The following SLC25A21 variants were observed in gnomAD, a reference collection of about 807,000 sequenced individuals.
SLC25A21 encodes the protein mitochondrial 2-oxodicarboxylate carrier.
A neutral mutation model predicts 43.8 loss-of-function variants in SLC25A21; 47 were observed. The ratio of observed to expected loss-of-function variants is 1.07; its 90% CI spans 0.85 to 1.37. The LOEUF (loss-of-function observed/expected upper bound fraction) is 1.37, where lower values mean the gene tolerates loss of function less well. Among genes scored for constraint, SLC25A21 ranks in the 40% most tolerant of loss-of-function variants. The pLI, the probability that SLC25A21 is intolerant of heterozygous loss-of-function variation, is 0.00. For missense variants in SLC25A21, 352 were observed against 350.2 expected (o/e 1.00, Z -0.04); for synonymous variants, 131 against 121.3 (o/e 1.08, Z -0.52).
chr14:36,952,007 G>A (rs1892823377), intron 1 of SLC25A21, among the ~76,000 whole-genome samples: 1 of 151,936 alleles, frequency 6.6e-6, no homozygotes, highest in African/African-American at 2.4e-5. Context: ...GGCCAAGGAG[G>A]GCAGATCACT....
chr14:37,136,380 T>C (rs1194261967), intron 1 of SLC25A21, among the ~76,000 whole-genome samples: 3 of 152,192 alleles, frequency 2.0e-5, no homozygotes, highest in Admixed American at 1.3e-4. Flanking sequence ...AGAAAATAAA[T>C]ATTTACTTAT....
chr14:36,700,282 A>G (rs1883223014), intron 7 of SLC25A21, among the ~76,000 whole-genome samples: 1 of 152,130 alleles, frequency 6.6e-6, no homozygotes, highest in Non-Finnish European at 1.5e-5. Context: ...CTATTTGTGC[A>G]CAGTCTTTGG....
In SLC25A21 at chr14:36,679,600, G is replaced by GTA. The variant is rs1268102447; in HGVS notation, c.*1056_*1057dup. The GTA allele has an allele frequency of 6.1e-6, 6 of 985,260 alleles. No individual in the cohort carries two copies. The highest frequency in any genetic ancestry group is 6.0e-6 in the Non-Finnish European group (5 of 829,892). The allele number at this position is 985,260 out of a possible 1,614,324, so 61.0% of individuals were successfully genotyped here. A position where few individuals can be genotyped will look rare whatever the true frequency, so the allele number is the denominator to read the frequency against. ...ATAGTAATCCTTAGAAATGCTAAGT[G>GTA]TATTTCTTTTTCAGAACATTTCCCC... On this transcript the variant is annotated 3_prime_UTR_variant, in exon 10 of 10. Transcript: ENST00000331299.
intron 3 of SLC25A21, among the ~76,000 whole-genome samples, chr14:36,744,522 T>C (rs967563702): frequency 2.0e-5 from 3 of 152,120 alleles, no homozygotes; most frequent in Non-Finnish European, 4.4e-5. Context: ...TCTCTCACCA[T>C]ATACAAAAAT....
intron 1 of SLC25A21, among the ~76,000 whole-genome samples, chr14:37,089,641 G>A (rs1487455759): frequency 6.6e-6 from 1 of 152,192 alleles, no homozygotes; most frequent in African/African-American, 2.4e-5. Context: ...CTTTCTTAGA[G>A]AGTAAGGCCA....
chr14:37,001,557 A>C (rs1960490248), intron 1 of SLC25A21, among the ~76,000 whole-genome samples: 1 of 152,024 alleles, frequency 6.6e-6, no homozygotes, highest in Non-Finnish European at 1.5e-5. Context: ...AATTCCCAGA[A>C]ATGTATTTTC....
chr14:36,699,927 C>T (rs1184771010), intron 7 of SLC25A21, among the ~76,000 whole-genome samples: 1 of 152,198 alleles, frequency 6.6e-6, no homozygotes, highest in Non-Finnish European at 1.5e-5. Context: ...CCCTGTCCTG[C>T]TTCAGTTCAC....
At chr14:36,847,436 G>T (rs1260620647) in intron 2 of SLC25A21, among the ~76,000 whole-genome samples, 1 of 152,198 alleles carries the variant, frequency 6.6e-6, no homozygotes, top group African/African-American at 2.4e-5. Context: ...AGGCTAAAAT[G>T]AATATGTCAT....
At chr14:36,688,430 A>G (rs1255733922) in intron 7 of SLC25A21, among the ~76,000 whole-genome samples, 1 of 152,210 alleles carries the variant, frequency 6.6e-6, no homozygotes, top group Non-Finnish European at 1.5e-5. Context: ...TGCAGAGTAC[A>G]CTGTAGGTGC....
At chr14:37,121,762 C>A (rs1216945850) in intron 1 of SLC25A21, among the ~76,000 whole-genome samples, 1 of 151,434 alleles carries the variant, frequency 6.6e-6, no homozygotes, top group African/African-American at 2.4e-5. Flanking sequence ...GCACTCCAGC[C>A]TGAGCGACGG....
At chr14:37,110,240 G>C (rs980175084) in intron 1 of SLC25A21, among the ~76,000 whole-genome samples, 1 of 152,146 alleles carries the variant, frequency 6.6e-6, no homozygotes, top group African/African-American at 2.4e-5. Flanking sequence ...AGGTTGCATT[G>C]GTTTGCAGAG....
intron 3 of SLC25A21, among the ~76,000 whole-genome samples, chr14:36,763,966 T>C (rs969494308): frequency 6.7e-6 from 1 of 148,656 alleles, no homozygotes; most frequent in Non-Finnish European, 1.5e-5. Flanking sequence ...AAGGTGGAGG[T>C]TGCAGTGAGT....
intron 3 of SLC25A21, among the ~76,000 whole-genome samples, chr14:36,765,933 C>T (rs1331349469): frequency 1.3e-5 from 2 of 152,200 alleles, no homozygotes; most frequent in East Asian, 3.9e-4. Context: ...AACTCAAAGA[C>T]TCTTTTCCCA....
chr14:36,833,545 A>G (rs988485145), intron 2 of SLC25A21, among the ~76,000 whole-genome samples: 1 of 152,246 alleles, frequency 6.6e-6, no homozygotes, highest in Non-Finnish European at 1.5e-5. Flanking sequence ...TACCTAAATA[A>G]CAGGCCAAAA....
At chr14:36,829,698 T>C (rs551830904) in intron 2 of SLC25A21, among the ~76,000 whole-genome samples, 1 of 93,572 alleles carries the variant, frequency 1.1e-5, no homozygotes, top group African/African-American at 3.8e-5. Context: ...TTGGGTCAGC[T>C]GTCTAATGCT....
At chr14:36,805,278 A>T (rs1035583212) in intron 3 of SLC25A21, among the ~76,000 whole-genome samples, 1 of 152,176 alleles carries the variant, frequency 6.6e-6, no homozygotes, top group South Asian at 2.1e-4. Flanking sequence ...AGTAAGTCGG[A>T]AAGTGTTGTG....
intron 1 of SLC25A21, among the ~76,000 whole-genome samples, chr14:37,132,493 A>G (rs150276264): frequency 6.6e-6 from 1 of 152,328 alleles, no homozygotes; most frequent in Non-Finnish European, 1.5e-5. Context: ...ATGAGGTAAA[A>G]TAGAAAGACT....
chr14:36,981,751 TG>T (rs1331484230), intron 1 of SLC25A21, among the ~76,000 whole-genome samples: 1 of 152,148 alleles, frequency 6.6e-6, no homozygotes, highest in African/African-American at 2.4e-5. Context: ...GACGAGTTAA[TG>T]GGTGCAGCAT....
intron 1 of SLC25A21, among the ~76,000 whole-genome samples, chr14:37,038,265 G>A (rs1226566316): frequency 6.6e-6 from 1 of 152,062 alleles, no homozygotes; most frequent in East Asian, 1.9e-4. Context: ...GAGTTTCTGA[G>A]GTGACATAAG....
Sources: allele counts gnomAD v4.1 joint callset (sites outside exome capture counted in the v4.1 genomes callset), GRCh38; gene constraint gnomAD v4.1.1; transcripts MANE v1.5; gene names NCBI Gene and HGNC (gene_info 2026-07-23, HGNC 2026-07-21).